The following GRM4 variants were observed in gnomAD, a reference collection of about 807,000 sequenced individuals.
GRM4 encodes glutamate metabotropic receptor 4.
GRM4 carries 28 observed loss-of-function variants against 81.7 expected under a neutral mutation model. The ratio of observed to expected loss-of-function variants is 0.34; its 90% CI spans 0.25 to 0.47. The LOEUF is 0.47. GRM4 is among the 20% of genes least tolerant of loss of function. The pLI, the probability that GRM4 is intolerant of heterozygous loss-of-function variation, is 1.00. For missense variants in GRM4, 948 were observed against 1,290.0 expected, an observed-to-expected ratio of 0.73 and a Z score of 4.06; for synonymous variants, 488 against 528.8, an observed-to-expected ratio of 0.92 and a Z score of 1.06.
intron 1 of GRM4, among the ~76,000 whole-genome samples, chr6:34,143,527 G>A (rs1205459482): frequency 3.3e-5 from 5 of 152,186 alleles, no homozygotes; most frequent in Admixed American, 2.0e-4. Context: ...TGCCACCTCC[G>A]AAAGGGCTCC....
intron 1 of GRM4, among the ~76,000 whole-genome samples, chr6:34,142,647 G>A (rs536911148): frequency 4.6e-5 from 7 of 152,294 alleles, no homozygotes; most frequent in South Asian, 2.1e-4. Flanking sequence ...GCCTGAACCC[G>A]GCCCCCTGAC....
chr6:34,138,768 T>C (rs1770565757), intron 1 of GRM4, among the ~76,000 whole-genome samples: 1 of 152,136 alleles, frequency 6.6e-6, no homozygotes, highest in South Asian at 2.1e-4. Flanking sequence ...TGCAGCCCAG[T>C]CCTGCACAGA....
intron 6 of GRM4, among the ~76,000 whole-genome samples, chr6:34,044,667 C>CAG: frequency 7.6e-6 from 1 of 131,208 alleles, no homozygotes; most frequent in African/African-American, 3.6e-5. Context: ...CACATATATA[C>CAG]ACAGACACAC....
Position 34,022,317 on chromosome 6 carries a change from G to A in GRM4, c.*504C>T, listed in dbSNP as rs191364122. 120 of 162,954 alleles carry A rather than the reference G, an allele frequency of 7.4e-4. 1 individual carries two copies. Among genetic ancestry groups the A allele is most frequent in the African/African-American group, 2.6e-3 (109 of 41,738 alleles). 10.1% of individuals were successfully genotyped at this position (162,954 alleles called of 1,614,324 possible). ...ACACTGGTGGGACCCAAGAAAGCAG[G>A]AGGAGCTGAGGACAAAGAGGATGAG... is the stretch of plus-strand genomic sequence containing the variant. On this transcript the variant is annotated 3_prime_UTR_variant, in exon 11 of 11. Coordinates refer to ENST00000538487, the MANE Select transcript of GRM4 (RefSeq NM_000841.4). The surrounding 1 kb of genome is among the most constrained non-coding windows in gnomAD (Gnocchi z 5.6).
At chr6:34,052,473 C>A (rs1765664176) in intron 6 of GRM4, among the ~76,000 whole-genome samples, 1 of 152,230 alleles carries the variant, frequency 6.6e-6, no homozygotes, top group Admixed American at 6.5e-5. Flanking sequence ...TGGACGGTCA[C>A]CAGGCCCATC....
At chr6:34,107,298 G>T (rs996316333) in intron 2 of GRM4, among the ~76,000 whole-genome samples, 14 of 152,282 alleles carry the variant, frequency 9.2e-5, no homozygotes, top group African/African-American at 3.1e-4. Flanking sequence ...CCTGGCAAGG[G>T]GGGAGAGGCG....
chr6:34,124,209 G>A (rs1277055336), intron 2 of GRM4, among the ~76,000 whole-genome samples: 3 of 152,140 alleles, frequency 2.0e-5, no homozygotes, highest in South Asian at 2.1e-4. Flanking sequence ...CAAGGTCCCC[G>A]CTCAGATCAA....
chr6:34,032,165 C>A (rs547446440), intron 9 of GRM4, among the ~76,000 whole-genome samples: 1 of 152,168 alleles, frequency 6.6e-6, no homozygotes, highest in Non-Finnish European at 1.5e-5. Flanking sequence ...CATACACACA[C>A]CAGCAGCTAC....
rs1581731165 is a variant in GRM4, at chr6:34,133,595, G to A, written c.-99C>T. On this transcript the variant is annotated 5_prime_UTR_variant, in exon 2 of 11. Coordinates refer to ENST00000538487, the MANE Select transcript of GRM4 (RefSeq NM_000841.4). This position sits in a 1 kb window ranked among gnomAD's most constrained non-coding sequence, Gnocchi z 6.5. Reference sequence around the variant, plus strand: ...GGTGGGCATGGGCAGGGCAGCTTCAGCAGCAGGGGGACTGAGGGCAGCCAA... The same window carrying A: ...GGTGGGCATGGGCAGGGCAGCTTCAACAGCAGGGGGACTGAGGGCAGCCAA... 2 of 1,478,412 alleles carry A rather than the reference G, an allele frequency of 1.4e-6. No individual in the cohort carries two copies. The highest frequency in any genetic ancestry group is 1.4e-5 in the African/African-American group (1 of 71,196). 91.6% of individuals were successfully genotyped at this position (1,478,412 alleles called of 1,614,324 possible).
chr6:34,022,238 T>G lies in GRM4; in HGVS notation c.*583A>C, dbSNP rs1360993027. 1 of 154,120 alleles carries G rather than the reference T, an allele frequency of 6.5e-6. No individual in the cohort carries two copies. Among genetic ancestry groups the G allele is most frequent in the African/African-American group, 2.4e-5 (1 of 41,352 alleles). 9.5% of individuals were successfully genotyped at this position (154,120 alleles called of 1,614,324 possible). A position where few individuals can be genotyped will look rare whatever the true frequency, so the allele number is the denominator to read the frequency against. On this transcript the variant is annotated 3_prime_UTR_variant, in exon 11 of 11. Coordinates refer to ENST00000538487, the MANE Select transcript of GRM4 (RefSeq NM_000841.4). The surrounding 1 kb of genome is among the most constrained non-coding windows in gnomAD (Gnocchi z 5.6). ...AAGGGTGGCAGGGAGAGGGGAGCAA[T>G]GGCTGGACGAGAATGAAGCAGAGGA... is the stretch of plus-strand genomic sequence containing the variant.
At chr6:34,026,914 G>A (rs6902110) in intron 10 of GRM4, among the ~76,000 whole-genome samples, 25,523 of 152,220 alleles carry the variant, frequency 0.17, 5,439 homozygotes, top group African/African-American at 0.5. Flanking sequence ...CTGGGACCTG[G>A]GAAGGAAGGT....
chr6:34,080,535 G>C lies in GRM4; in HGVS notation c.736+11348C>G, dbSNP rs1767530119. Among the ~76,000 whole-genome samples the C allele has an allele frequency of 6.6e-6, 1 of 152,128 alleles. No homozygotes were observed. The highest frequency in any genetic ancestry group is 1.5e-5 in the Non-Finnish European group (1 of 68,022). On this transcript the variant is annotated intron_variant, in intron 3 of 10. Transcript: ENST00000538487. This position sits in a 1 kb window ranked among gnomAD's most constrained non-coding sequence, Gnocchi z 5.4. ...TCATTCTGCAGATGAATAAATTACTGTGGAGGAAAGGGATGCAAAGGCTGG... is the reference window on the plus strand; with the variant it reads ...TCATTCTGCAGATGAATAAATTACTCTGGAGGAAAGGGATGCAAAGGCTGG...
At chr6:34,066,677 C>T (rs1766483568) in intron 3 of GRM4, among the ~76,000 whole-genome samples, 1 of 151,898 alleles carries the variant, frequency 6.6e-6, no homozygotes, top group Non-Finnish European at 1.5e-5. Context: ...TCATGGTTAC[C>T]TCAAGGGAGA....
Position 34,109,842 on chromosome 6 carries a change from G to A in GRM4, c.520-17743C>T, listed in dbSNP as rs1357653144. ...ATCTGCCTCCCTGTCACTGTCATGT[G>A]GTTCCAAGTTCTCTGGAGCCATGGA... On this transcript the variant is annotated intron_variant, in intron 2 of 10. Coordinates refer to ENST00000538487, the MANE Select transcript of GRM4 (RefSeq NM_000841.4). Among the ~76,000 whole-genome samples the A allele has an allele frequency of 2.6e-5, 4 of 152,166 alleles. No individual in the cohort carries two copies. The East Asian group carries it at 7.8e-4, about 30-fold the overall frequency.
rs190749552 is a variant in GRM4 at position 34,019,143 on chromosome 6, C to T, written c.*3678G>A. The T allele has an allele frequency of 2.0e-5, 3 of 152,386 alleles. No homozygotes were observed. Among genetic ancestry groups the T allele is most frequent in the Non-Finnish European group, 1.5e-5 (1 of 68,222 alleles). 9.4% of individuals were successfully genotyped at this position (152,386 alleles called of 1,614,324 possible). A position where few individuals can be genotyped will look rare whatever the true frequency, so the allele number is the denominator to read the frequency against. On this transcript the variant is annotated 3_prime_UTR_variant, in exon 11 of 11. Coordinates refer to ENST00000538487, the MANE Select transcript of GRM4 (RefSeq NM_000841.4). ...ACTGAGACCTCTGTCCTGCCTGGCT[C>T]TATGCCTCTGCCTCCAGGGCCTGAG...
At position 34,048,407 on chromosome 6, in the gene GRM4, C is replaced by T. The variant is rs2127453691; in HGVS notation, c.1169-7659G>A. ...CTCCTGCCTGGTTCTGAGGCCAACACACCTCGGCTGAGGAGCTGGGGCTCA... is the reference window on the plus strand; with the variant it reads ...CTCCTGCCTGGTTCTGAGGCCAACATACCTCGGCTGAGGAGCTGGGGCTCA... On this transcript the variant is annotated intron_variant, in intron 6 of 10. Transcript: ENST00000538487. The surrounding 1 kb of genome is among the most constrained non-coding windows in gnomAD (Gnocchi z 4.0). Among the ~76,000 whole-genome samples, 3 of 152,184 alleles carry T rather than the reference C, an allele frequency of 2.0e-5. No homozygotes were observed. The highest frequency in any genetic ancestry group is 6.8e-3 in the Middle Eastern group (2 of 294).
intron 9 of GRM4, among the ~76,000 whole-genome samples, chr6:34,030,129 A>G (rs1175573817): frequency 6.6e-6 from 1 of 152,228 alleles, no homozygotes; most frequent in African/African-American, 2.4e-5. Context: ...CAGGGTGAGA[A>G]GGCAGGAAGA....
intron 10 of GRM4, among the ~76,000 whole-genome samples, chr6:34,026,271 T>C (rs1764129334): frequency 6.6e-6 from 1 of 152,170 alleles, no homozygotes; most frequent in South Asian, 2.1e-4. Context: ...TCCATCCGGC[T>C]GTCCCCAGAA....
chr6:34,144,118 C>T (rs1236995233), intron 1 of GRM4, among the ~76,000 whole-genome samples: 1 of 152,206 alleles, frequency 6.6e-6, no homozygotes, highest in Non-Finnish European at 1.5e-5. Flanking sequence ...AGTCTGAGGG[C>T]GGGATGTCAC....
Sources: gnomAD v4.1 joint callset for allele counts (sites outside exome capture counted in the v4.1 genomes callset) on GRCh38, gnomAD v4.1.1 for gene constraint, Gnocchi (gnomAD v3.1) non-coding constraint, MANE v1.5 for transcripts, NCBI Gene and HGNC (gene_info 2026-07-23, HGNC 2026-07-21) for gene names.